The following TBCK variants were observed in gnomAD, a reference collection of about 807,000 sequenced individuals.
TBCK encodes TBC1 domain containing kinase.
A neutral mutation model predicts 113.4 loss-of-function variants in TBCK; 99 were observed. The ratio of observed to expected loss-of-function variants is 0.87; its 90% CI spans 0.74 to 1.03. TBCK has a LOEUF of 1.03. Ranked by LOEUF, TBCK falls within the 50% of genes least tolerant of loss-of-function variation. TBCK has a pLI of 0.00. For synonymous variants in TBCK, 369 were observed against 370.8 expected (o/e 1.00, Z 0.05); for missense variants, 1,045 against 1,061.3 (o/e 0.98, Z 0.21).
At chr4:106,197,409 G>GTATATATATATATATATATA (rs750387268) in intron 20 of TBCK, among the ~76,000 whole-genome samples, 8 of 77,050 alleles carry the variant, frequency 1.0e-4, no homozygotes, top group African/African-American at 2.3e-4. Flanking sequence ...GTGTGTGTGT[G>GTATATATATATATATATATA]TGTATATATA....
At chr4:106,102,832 C>CT (rs1407264643) in intron 24 of TBCK, among the ~76,000 whole-genome samples, 6 of 151,862 alleles carry the variant, frequency 4.0e-5, no homozygotes, top group Non-Finnish European at 7.4e-5. Context: ...GAGAAAGTTT[C>CT]TTTTTTTTCC....
intron 19 of TBCK, among the ~76,000 whole-genome samples, chr4:106,217,820 T>A (rs935056939): frequency 1.3e-5 from 2 of 149,384 alleles, no homozygotes; most frequent in African/African-American, 4.9e-5. Context: ...TTCAATGCTA[T>A]CCCCATAAAG....
At chr4:106,159,570 C>T (rs946160587) in intron 23 of TBCK, among the ~76,000 whole-genome samples, 1 of 151,858 alleles carries the variant, frequency 6.6e-6, no homozygotes, top group Non-Finnish European at 1.5e-5. Flanking sequence ...AGGAATTAAC[C>T]AGGGAGGTGA....
rs1744889122 is a variant in TBCK at position 106,124,481 on chromosome 4, C to T, written c.2236-8103G>A. On this transcript the variant is annotated intron_variant, in intron 23 of 25. Transcript: ENST00000394708. Reference sequence around the variant, plus strand: ...ATCTAGAACTAGAAATACCATTTGACCCAGCCATCCCATTACTGGGTATAT... The same window carrying T: ...ATCTAGAACTAGAAATACCATTTGATCCAGCCATCCCATTACTGGGTATAT... 1.3e-5 allele frequency among the ~76,000 whole-genome samples: 2 copies of T among 152,092 alleles called. 1 individual carries two copies. Among genetic ancestry groups the T allele is most frequent in the South Asian group, 4.2e-4 (2 of 4,814 alleles).
chr4:106,149,482 A>G (rs1190629923), intron 23 of TBCK, among the ~76,000 whole-genome samples: 2 of 152,278 alleles, frequency 1.3e-5, no homozygotes, highest in African/African-American at 4.8e-5. Context: ...TCTAATTTCA[A>G]TATCTTTGTT....
At chr4:106,283,657 G>A (rs540503256) in intron 3 of TBCK, among the ~76,000 whole-genome samples, 1 of 152,146 alleles carries the variant, frequency 6.6e-6, no homozygotes, top group East Asian at 1.9e-4. Flanking sequence ...GAGAGTTAGA[G>A]AGTAATATTT....
chr4:106,083,818 C>T (rs1245421436), intron 25 of TBCK, among the ~76,000 whole-genome samples: 2 of 152,080 alleles, frequency 1.3e-5, no homozygotes, highest in East Asian at 3.9e-4. Context: ...AAGTGAACCC[C>T]CAGGAAACTG....
intron 23 of TBCK, among the ~76,000 whole-genome samples, chr4:106,147,635 C>T (rs2149672276): frequency 6.6e-6 from 1 of 152,234 alleles, no homozygotes; most frequent in African/African-American, 2.4e-5. Context: ...TTTCCTATGC[C>T]TGTCTTTACT....
At chr4:106,129,470 T>C (rs893049992) in intron 23 of TBCK, among the ~76,000 whole-genome samples, 1 of 152,120 alleles carries the variant, frequency 6.6e-6, no homozygotes, top group Non-Finnish European at 1.5e-5. Context: ...TATAAAGAAA[T>C]GAAATTACAA....
intron 22 of TBCK, among the ~76,000 whole-genome samples, chr4:106,186,529 C>T (rs575537615): frequency 1.5e-4 from 23 of 152,242 alleles, no homozygotes; most frequent in Middle Eastern, 3.4e-3. Context: ...ATACAGATGT[C>T]TTCTTTTGAG....
chr4:106,228,215 TTTTTC>T (rs1758449203), intron 19 of TBCK, among the ~76,000 whole-genome samples: 1 of 151,988 alleles, frequency 6.6e-6, no homozygotes, highest in Non-Finnish European at 1.5e-5. Flanking sequence ...ACCTCAAGTA[TTTTTC>T]TTTTGTGTTA....
intron 25 of TBCK, among the ~76,000 whole-genome samples, chr4:106,089,674 T>C (rs1739976301): frequency 1.3e-5 from 2 of 152,214 alleles, no homozygotes; most frequent in African/African-American, 2.4e-5. Flanking sequence ...GTATGCATTA[T>C]CATTTGAAAA....
chr4:106,241,989 T>C (rs1034181052), intron 12 of TBCK, among the ~76,000 whole-genome samples: 1 of 151,910 alleles, frequency 6.6e-6, no homozygotes, highest in Admixed American at 6.6e-5. Context: ...AAAGATACGA[T>C]ATCAGGGACA....
intron 25 of TBCK, among the ~76,000 whole-genome samples, chr4:106,089,037 C>CT (rs59250305): frequency 0.76 from 111,430 of 147,168 alleles, 42,602 homozygotes; most frequent in African/African-American, 0.92. Flanking sequence ...TACATGTATC[C>CT]TTTTTTTTTT....
intron 23 of TBCK, among the ~76,000 whole-genome samples, chr4:106,134,530 A>G (rs979203698): frequency 3.9e-5 from 6 of 152,200 alleles, no homozygotes; most frequent in Admixed American, 6.5e-5. Flanking sequence ...CCTATCCTTT[A>G]TAAGGAGATA....
At chr4:106,202,659 C>G (rs528337464) in intron 20 of TBCK, among the ~76,000 whole-genome samples, 2 of 152,108 alleles carry the variant, frequency 1.3e-5, no homozygotes, top group African/African-American at 4.8e-5. Flanking sequence ...CAGTTTAACT[C>G]AAGTCAAATG....
At chr4:106,187,219 G>A (rs538169343) in intron 22 of TBCK, among the ~76,000 whole-genome samples, 1 of 151,782 alleles carries the variant, frequency 6.6e-6, no homozygotes, top group Admixed American at 6.6e-5. Flanking sequence ...TTGGTGATTC[G>A]GGCTCTTTTT....
intron 3 of TBCK, among the ~76,000 whole-genome samples, chr4:106,270,161 T>C (rs1763347588): frequency 6.6e-6 from 1 of 152,188 alleles, no homozygotes; most frequent in Non-Finnish European, 1.5e-5. Context: ...TTTTGTTATA[T>C]CATATGTATA....
At chr4:106,100,007 AAT>A (rs1166964461) in intron 24 of TBCK, among the ~76,000 whole-genome samples, 4 of 152,162 alleles carry the variant, frequency 2.6e-5, no homozygotes, top group African/African-American at 7.2e-5. Context: ...CACTGTTACC[AAT>A]ATGTTTTCTA....
Sources: gnomAD v4.1 joint callset for allele counts (sites outside exome capture counted in the v4.1 genomes callset) on GRCh38, gnomAD v4.1.1 for gene constraint, MANE v1.5 for transcripts, NCBI Gene and HGNC (gene_info 2026-07-23, HGNC 2026-07-21) for gene names.